DPH1: variants seen among roughly 807,000 people sequenced by gnomAD.
The protein encoded by DPH1 is diphthamide biosynthesis 1.
Under a neutral mutation model 55.3 loss-of-function variants are expected in DPH1, and 59 were observed. The observed-to-expected ratio is 1.07, with a 90% CI of 0.87 to 1.33. The LOEUF (loss-of-function observed/expected upper bound fraction) is 1.33. Among genes scored for constraint, DPH1 ranks in the 40% most tolerant of loss-of-function variants. The pLI, the probability that DPH1 is intolerant of heterozygous loss-of-function variation, is 0.00. For synonymous variants in DPH1, 238 were observed against 235.5 expected (o/e 1.01, Z -0.10); for missense variants, 628 against 584.8 (o/e 1.07, Z -0.76).
At chr17:2,035,250 T>TC (rs1413900326) in intron 3 of DPH1, among the ~76,000 whole-genome samples, 1 of 143,268 alleles carries the variant, frequency 7.0e-6, no homozygotes, top group Non-Finnish European at 1.5e-5. Flanking sequence ...ACCCACCCCC[T>TC]CCCCCAGTGA....
chr17:2,037,201 G>A (rs993734443), intron 6 of DPH1: 18 of 421,852 alleles, frequency 4.3e-5, no homozygotes, highest in Non-Finnish European at 8.1e-6. Flanking sequence ...GCCTGATGGG[G>A]GTTGAGGGTG....
In DPH1 at chr17:2,041,534, C is replaced by A. The variant is rs1372425833; in HGVS notation, c.1140C>A (p.Phe380Leu). 2.5e-6 allele frequency: 4 copies of A among 1,612,994 alleles called. No homozygotes were observed. Among genetic ancestry groups the A allele is most frequent in the Admixed American group, 1.7e-5 (1 of 59,960 alleles). ...ISWQQPYPMD[F>L]YAGSSLGPWT... ...GGCAGCAGCCCTACCCGATGGACTT[C>A]TACGCTGGCAGCTCCTTGGGGCCCT... The change falls in exon 11 of 13, where the codon TTC becomes TTA. Residue 380 changes from phenylalanine to leucine, a missense_variant. Phe to Leu is a conservative substitution (Grantham distance 22, BLOSUM62 0). Coordinates refer to ENST00000263083, the MANE Select transcript of DPH1 (RefSeq NM_001383.6).
Position 2,036,804 on chromosome 17 carries a change from G to T in DPH1, c.559-31G>T. The T allele has an allele frequency of 6.2e-7, 1 of 1,610,770 alleles. No individual in the cohort carries two copies. The highest frequency in any genetic ancestry group is 8.5e-7 in the Non-Finnish European group (1 of 1,178,482). On this transcript the variant is annotated intron_variant, in intron 5 of 12. Transcript: ENST00000263083. The surrounding 1 kb of genome is among the most constrained non-coding windows in gnomAD (Gnocchi z 4.8). ...CAGCCCTGGCTCTCCTGCCCCAGCC[G>T]CTGGCTTCACTTCCCTCGTCATTCC...
At chr17:2,042,506 TTCTC>T (rs1434926702) in intron 12 of DPH1, 95 bp from the exon 13 acceptor site, 7 of 1,418,480 alleles carry the variant, frequency 4.9e-6, no homozygotes, top group South Asian at 1.7e-5. Context: ...GATTCCCTTT[TTCTC>T]TCTGTCATCT....
At chr17:2,041,233 G>A (rs2067516467) in intron 10 of DPH1, 52 bp downstream of exon 10, 1 of 1,562,896 alleles carries the variant, frequency 6.4e-7, no homozygotes, top group African/African-American at 1.4e-5. Flanking sequence ...TCTCAAAGGT[G>A]AGGTCTGGAG....
Position 2,039,793 on chromosome 17 carries a change from T to C in DPH1, c.719T>C (p.Met240Thr), listed in dbSNP as rs763545692. Residue 240 changes from methionine to threonine, a missense_variant, in exon 7 of 13, where the codon ATG becomes ACG. Coordinates refer to ENST00000263083, the MANE Select transcript of DPH1 (RefSeq NM_001383.6). Reference protein sequence around the residue: ...GDGRFHLESVMIANPNVPAYR... With the variant: ...GDGRFHLESVTIANPNVPAYR... The stretch of plus-strand genomic sequence containing the variant: ...GGCCGCTTCCATCTGGAGTCTGTCA[T>C]GATTGCCAACCCCAATGTCCCCGCT... 6.2e-7 allele frequency: 1 copy of C among 1,614,156 alleles called. No homozygotes were observed. Among genetic ancestry groups the C allele is most frequent in the Admixed American group, 1.7e-5 (1 of 60,032 alleles).
rs1383468095 is a variant in DPH1, at chr17:2,041,802, T to C, written c.1262T>C (p.Val421Ala). The C allele has an allele frequency of 3.7e-6, 6 of 1,606,808 alleles. No individual in the cohort carries two copies. In the South Asian group the frequency reaches 6.7e-5, roughly 18 times the overall value. The change falls in exon 12 of 13, where the codon GTG (valine) becomes GCG (alanine). Residue 421 changes from valine (V) to alanine (A), a missense_variant. Val to Ala is a moderately conservative substitution (Grantham distance 64, BLOSUM62 0). Transcript: ENST00000263083. ...GGGTCCGCGCGTCCCCCTTCGGCCG[T>C]GGCTTGCGAGGACTGCAGCTGCAGG... ...QEGSARPPSAVACEDCSCRDE... is the reference protein window; with the variant it reads ...QEGSARPPSAAACEDCSCRDE...
chr17:2,042,817 C>T lies in DPH1; in HGVS notation c.*231C>T. ...AGCAGCCCTTGTGTGTGCCCTGGGCCAGGCAGGCGATCCCCGCTTCCCCTT... is the reference window on the plus strand; with the variant it reads ...AGCAGCCCTTGTGTGTGCCCTGGGCTAGGCAGGCGATCCCCGCTTCCCCTT... On this transcript the variant is annotated 3_prime_UTR_variant, in exon 13 of 13. Transcript: ENST00000263083. 6.2e-7 allele frequency: 1 copy of T among 1,614,034 alleles called. No individual in the cohort carries two copies. The highest frequency in any genetic ancestry group is 8.5e-7 in the Non-Finnish European group (1 of 1,180,020).
chr17:2,040,696 C>T, intron 9 of DPH1, 91 bp downstream of exon 9: 1 of 1,418,626 alleles, frequency 7.0e-7, no homozygotes, highest in South Asian at 1.2e-5. Context: ...ACAGGAATTG[C>T]TTCCATGGTC....
chr17:2,041,175 C>A lies in DPH1; in HGVS notation c.1080C>A (p.Pro360=). ...GTAFPKPLLT[P]YEAAVALRDI... ...CCTTCCCCAAGCCGCTGCTGACACC[C>A]TATGAGGTAACACCAAGCTCTGGGA... The change falls in exon 10 of 13, where the codon CCC becomes CCA. Residue 360 remains proline (P), a synonymous_variant. Transcript: ENST00000263083. 1.2e-6 allele frequency: 2 copies of A among 1,604,192 alleles called. No individual in the cohort carries two copies. Among genetic ancestry groups the A allele is most frequent in the Admixed American group, 3.4e-5 (2 of 58,760 alleles).
At chr17:2,030,748 A>T (rs1421878168) in intron 1 of DPH1, among the ~76,000 whole-genome samples, 1 of 152,208 alleles carries the variant, frequency 6.6e-6, no homozygotes, top group Non-Finnish European at 1.5e-5. Flanking sequence ...GGTCCCTGGG[A>T]CACATTGAAG....
chr17:2,040,651 G>C (rs749595519), intron 9 of DPH1, 46 bp downstream of exon 9: 1 of 1,599,420 alleles, frequency 6.3e-7, no homozygotes, highest in South Asian at 1.1e-5. Flanking sequence ...CTTAGAAGCT[G>C]GGTCTTGCCC....
At position 2,036,409 on chromosome 17, in the gene DPH1, C is replaced by A; in HGVS notation, c.401-120C>A. 1 of 1,337,856 alleles carries A rather than the reference C, an allele frequency of 7.5e-7. No individual in the cohort carries two copies. The allele number at this position is 1,337,856 out of a possible 1,614,324, so 82.9% of individuals were successfully genotyped here. On this transcript the variant is annotated intron_variant, in intron 4 of 12. Coordinates refer to ENST00000263083, the MANE Select transcript of DPH1 (RefSeq NM_001383.6). This position sits in a 1 kb window ranked among gnomAD's most constrained non-coding sequence, Gnocchi z 4.8. ...GATCTGTGACCCCCCTCTTCTCCTA[C>A]CCTGTCCTTTTACCCCCAGGCTGAA...
chr17:2,042,999 A>G lies in DPH1; in HGVS notation c.*413A>G, dbSNP rs758493466. On this transcript the variant is annotated 3_prime_UTR_variant, in exon 13 of 13. Coordinates refer to ENST00000263083, the MANE Select transcript of DPH1 (RefSeq NM_001383.6). Reference sequence around the variant, plus strand: ...AGGAGAGTGTGCAACTGGCCAGCCAATTTCCCGGAGCCATCACCCTCACCC... The same window carrying G: ...AGGAGAGTGTGCAACTGGCCAGCCAGTTTCCCGGAGCCATCACCCTCACCC... 1.7e-5 allele frequency: 27 copies of G among 1,613,868 alleles called. No individual in the cohort carries two copies. In the African/African-American group the frequency reaches 2.7e-4, roughly 16 times the overall value.
At position 2,036,739 on chromosome 17, in the gene DPH1, C is replaced by T. The variant is rs929776236; in HGVS notation, c.558+53C>T. 3.1e-6 allele frequency: 5 copies of T among 1,610,398 alleles called. No individual in the cohort carries two copies. In the East Asian group the frequency reaches 1.1e-4, roughly 36 times the overall value. On this transcript the variant is annotated intron_variant, in intron 5 of 12. Transcript: ENST00000263083. This position sits in a 1 kb window ranked among gnomAD's most constrained non-coding sequence, Gnocchi z 4.8. Reference sequence around the variant, plus strand: ...CTGCAGGGTGGACAGCGGCCACTCTCCAGCTGTTGCGGGATCCCCAGGTGC... The same window carrying T: ...CTGCAGGGTGGACAGCGGCCACTCTTCAGCTGTTGCGGGATCCCCAGGTGC...
At chr17:2,042,522 G>T in intron 12 of DPH1, 83 bp from the exon 13 acceptor site, 2 of 1,436,986 alleles carry the variant, frequency 1.4e-6, no homozygotes, top group Non-Finnish European at 1.8e-6. Context: ...CTGTCATCTC[G>T]AACCCTCCTG....
Position 2,040,353 on chromosome 17 carries a change from G to C in DPH1, c.885G>C (p.Gln295His). 1 of 1,613,986 alleles carries C rather than the reference G, an allele frequency of 6.2e-7. No homozygotes were observed. Among genetic ancestry groups the C allele is most frequent in the Non-Finnish European group, 8.5e-7 (1 of 1,180,028 alleles). Residue 295 changes from glutamine to histidine, a missense_variant, in exon 8 of 13, where the codon CAG (glutamine) becomes CAC (histidine). By Grantham distance (24) the Gln-to-His change is conservative (BLOSUM62 0). Coordinates refer to ENST00000263083, the MANE Select transcript of DPH1 (RefSeq NM_001383.6). The part of the protein sequence containing the change: ...WGLILGTLGR[Q>H]GSPKILEHLE... The stretch of plus-strand genomic sequence containing the variant: ...TTATTCTGGGCACTTTGGGCCGCCA[G>C]GGCAGTCCTAAGATCCTGGAGGTCA...
chr17:2,034,065 A>G (rs1168028864), intron 3 of DPH1, among the ~76,000 whole-genome samples: 3 of 151,682 alleles, frequency 2.0e-5, no homozygotes, highest in African/African-American at 7.3e-5. Flanking sequence ...CCTCCCCTAA[A>G]CATTTGGGAC....
intron 1 of DPH1, 124 bp downstream of exon 1, chr17:2,030,354 G>A: frequency 8.4e-7 from 1 of 1,189,168 alleles, no homozygotes; most frequent in Non-Finnish European, 1.2e-6. Flanking sequence ...GCTGTTAGTC[G>A]CCTTGGGCCG....
Sources: allele counts gnomAD v4.1 joint callset (sites outside exome capture counted in the v4.1 genomes callset), GRCh38; gene constraint gnomAD v4.1.1; non-coding constraint Gnocchi (gnomAD v3.1); transcripts MANE v1.5; gene names NCBI Gene and HGNC (gene_info 2026-07-23, HGNC 2026-07-21).